Variants in COL14A1 observed in about 807,000 individuals in gnomAD.
COL14A1 encodes the protein collagen type XIV alpha 1 chain.
COL14A1 carries 136 observed loss-of-function variants against 230.3 expected under a neutral mutation model. The ratio of observed to expected loss-of-function variants is 0.59; its 90% CI spans 0.51 to 0.68. COL14A1 has a LOEUF of 0.68. COL14A1 is among the 30% of genes least tolerant of loss of function. The pLI is 0.00. For synonymous variants in COL14A1, 792 were observed against 784.1 expected (o/e 1.01, Z -0.17); for missense variants, 1,976 against 2,215.8 (o/e 0.89, Z 2.17).
rs370948692 is a variant in COL14A1, at chr8:120,278,496, C to T, written c.3399C>T (p.Gly1133=). The T allele has an allele frequency of 6.8e-6, 11 of 1,612,950 alleles. No homozygotes were observed. The East Asian group carries it at 2.0e-4, about 29-fold the overall frequency. ...CTGCAGAGTCAGGTACAAGAAGGGG[C>T]ATCCCAAAGGTTATCGTGGTTATAA... ...LFTAESGTRR[G]IPKVIVVITD... is the part of the protein sequence containing the mutation. The change falls in exon 28 of 48, where the codon GGC becomes GGT. Residue 1133 remains glycine, a synonymous_variant. Transcript: ENST00000297848.
chr8:120,300,249 A>G (rs1201977617), intron 35 of COL14A1, among the ~76,000 whole-genome samples: 1 of 152,156 alleles, frequency 6.6e-6, no homozygotes, highest in Non-Finnish European at 1.5e-5. Context: ...TGTCATAGGG[A>G]ATTGATGAAG....
At chr8:120,280,202 A>G (rs1819993780) in intron 29 of COL14A1, 103 bp downstream of exon 29, 1 of 1,294,330 alleles carries the variant, frequency 7.7e-7, no homozygotes, top group African/African-American at 1.5e-5. Flanking sequence ...AAGAATATTG[A>G]CTTCCAGTAC....
upstream of COL14A1, among the ~76,000 whole-genome samples, chr8:120,124,887 C>G (rs1053488053): frequency 6.6e-5 from 10 of 152,038 alleles, no homozygotes; most frequent in Admixed American, 6.5e-4. Flanking sequence ...CATCCGGCTG[C>G]CGCGCGCACC....
At chr8:120,221,310 C>T (rs1025264947) in intron 14 of COL14A1, among the ~76,000 whole-genome samples, 2 of 152,054 alleles carry the variant, frequency 1.3e-5, no homozygotes, top group African/African-American at 4.8e-5. Context: ...AGTTTCATAA[C>T]AATGAGATCA....
intron 42 of COL14A1, 131 bp downstream of exon 42, chr8:120,332,866 G>A: frequency 3.1e-6 from 2 of 646,816 alleles, no homozygotes; most frequent in Non-Finnish European, 5.1e-6. Context: ...ATTCATAAAG[G>A]AAATTGGAAA....
chr8:120,348,823 A>G (rs1178598380), intron 45 of COL14A1, among the ~76,000 whole-genome samples: 1 of 152,238 alleles, frequency 6.6e-6, no homozygotes, highest in Non-Finnish European at 1.5e-5. Context: ...TCATGATGCA[A>G]TATTGCTTAT....
At chr8:120,370,519 C>A (rs1230360493) in intron 47 of COL14A1, 1 of 1,486,808 alleles carries the variant, frequency 6.7e-7, no homozygotes, top group Non-Finnish European at 8.9e-7. Flanking sequence ...TTCCCACTTT[C>A]AAACCTCTTG....
At chr8:120,244,762 C>T (rs1818712073) in intron 20 of COL14A1, among the ~76,000 whole-genome samples, 1 of 152,214 alleles carries the variant, frequency 6.6e-6, no homozygotes, top group Non-Finnish European at 1.5e-5. Context: ...GATGAGTGTA[C>T]TAGCCTCCTG....
At chr8:120,201,671 GA>G (rs993588164) in intron 8 of COL14A1, among the ~76,000 whole-genome samples, 24 of 151,182 alleles carry the variant, frequency 1.6e-4, no homozygotes, top group Middle Eastern at 3.4e-3. Flanking sequence ...AGTTATCAAT[GA>G]AAAAAAAACT....
intron 31 of COL14A1, among the ~76,000 whole-genome samples, chr8:120,281,730 A>ATTT (rs1820047720): frequency 6.6e-6 from 1 of 152,174 alleles, no homozygotes; most frequent in African/African-American, 2.4e-5. Flanking sequence ...AAGAAGCTAA[A>ATTT]TGACTTGAGT....
chr8:120,219,746 A>G (rs956690510), intron 14 of COL14A1, among the ~76,000 whole-genome samples: 4 of 152,216 alleles, frequency 2.6e-5, no homozygotes, highest in African/African-American at 7.2e-5. Context: ...TTTGCAAAGA[A>G]TAGCCCCAGA....
At chr8:120,350,833 C>G (rs997130902) in intron 45 of COL14A1, among the ~76,000 whole-genome samples, 8 of 151,800 alleles carry the variant, frequency 5.3e-5, no homozygotes. Flanking sequence ...ATCAACGAGA[C>G]AGAAAGTTCA....
At chr8:120,294,866 T>C (rs1483187507) in intron 34 of COL14A1, among the ~76,000 whole-genome samples, 14 of 151,880 alleles carry the variant, frequency 9.2e-5, no homozygotes, top group Non-Finnish European at 1.3e-4. Context: ...CCTGAAATTA[T>C]AATATTGGCT....
rs112245348 is a variant in COL14A1 at position 120,217,482 on chromosome 8, G to A, written c.1737+992G>A. On this transcript the variant is annotated intron_variant, in intron 14 of 47. Coordinates refer to ENST00000297848, the MANE Select transcript of COL14A1 (RefSeq NM_021110.4). ...TTAGATTGCATCATTTCTATTTTCT[G>A]ACCAAATAAAGCAAGTGTTTTTATA... is the stretch of plus-strand genomic sequence containing the variant. Among the ~76,000 whole-genome samples the A allele has an allele frequency of 4.6e-3, 705 of 152,246 alleles. 12 individuals are homozygous for A. Among genetic ancestry groups the A allele is most frequent in the African/African-American group, 0.016 (656 of 41,534 alleles).
At chr8:120,349,299 A>G (rs942385476) in intron 45 of COL14A1, among the ~76,000 whole-genome samples, 8 of 149,076 alleles carry the variant, frequency 5.4e-5, no homozygotes, top group African/African-American at 2.0e-4. Context: ...AACAGAACAG[A>G]AAAACTGGAA....
intron 45 of COL14A1, among the ~76,000 whole-genome samples, chr8:120,346,719 C>A (rs1343926587): frequency 6.6e-6 from 1 of 152,086 alleles, no homozygotes; most frequent in Non-Finnish European, 1.5e-5. Context: ...ATTGATCACC[C>A]CAGAACCCAA....
chr8:120,327,173 C>T (rs1586867332), intron 40 of COL14A1, among the ~76,000 whole-genome samples: 1 of 152,146 alleles, frequency 6.6e-6, no homozygotes, highest in Non-Finnish European at 1.5e-5. Flanking sequence ...GTAGTGGATG[C>T]TGTTGGTGCC....
chr8:120,288,024 CAAA>C (rs61622764), intron 33 of COL14A1, among the ~76,000 whole-genome samples: 1 of 145,358 alleles, frequency 6.9e-6, no homozygotes. Context: ...TTTTGTAAAG[CAAA>C]AAAAAAAAAA....
intron 42 of COL14A1, among the ~76,000 whole-genome samples, chr8:120,337,202 C>G (rs1272135044): frequency 2.6e-5 from 4 of 151,814 alleles, no homozygotes; most frequent in Non-Finnish European, 5.9e-5. Context: ...ACCACCCTGG[C>G]CAACATGGTG....
Sources: allele counts gnomAD v4.1 joint callset (sites outside exome capture counted in the v4.1 genomes callset), GRCh38; gene constraint gnomAD v4.1.1; transcripts MANE v1.5; gene names NCBI Gene and HGNC (gene_info 2026-07-23, HGNC 2026-07-21).